The following FBXL20 variants were observed in gnomAD, a reference collection of about 807,000 sequenced individuals.
FBXL20 encodes the protein F-box and leucine rich repeat protein 20, also known as F-box/LRR-repeat protein 20.
A neutral mutation model predicts 64.0 loss-of-function variants in FBXL20; 11 were observed. That is an observed-to-expected ratio of 0.17 (90% CI 0.11 to 0.28). The LOEUF (loss-of-function observed/expected upper bound fraction) is 0.28, where lower values mean the gene tolerates loss of function less well. FBXL20 is among the 10% of genes least tolerant of loss of function. FBXL20 has a pLI of 1.00. For synonymous variants in FBXL20, 184 were observed against 189.0 expected (o/e 0.97, Z 0.22); for missense variants, 303 against 526.2 (o/e 0.58, Z 4.15).
In FBXL20 at chr17:39,316,186, GATTGGA is replaced by G. The variant is rs754112425; in HGVS notation, c.105-12553_105-12548del. 1.3e-4 allele frequency among the ~76,000 whole-genome samples: 20 copies of G among 152,250 alleles called. No homozygotes were observed. The South Asian group carries it at 1.5e-3, about 11-fold the overall frequency. On this transcript the variant is annotated intron_variant, in intron 2 of 14. Coordinates refer to ENST00000264658, the MANE Select transcript of FBXL20 (RefSeq NM_032875.3). ...AACTAGACTAAATTATGCAGTGTTG[GATTGGA>G]ATTGGAAATATCAGTGTATTAATAG...
chr17:39,281,280 T>C, intron 9 of FBXL20, 109 bp downstream of exon 9: 1 of 926,776 alleles, frequency 1.1e-6, no homozygotes, highest in South Asian at 1.6e-5. Context: ...ACTAGGGTTG[T>C]GGTAGAAAAA....
At chr17:39,369,164 A>G (rs1045725394) in intron 1 of FBXL20, among the ~76,000 whole-genome samples, 1 of 152,124 alleles carries the variant, frequency 6.6e-6, no homozygotes, top group Non-Finnish European at 1.5e-5. Flanking sequence ...CTGGATAAAA[A>G]TCATAAAGTA....
intron 11 of FBXL20, 145 bp downstream of exon 11, chr17:39,270,651 G>C (rs982754207): frequency 1.8e-5 from 11 of 616,440 alleles, no homozygotes; most frequent in Non-Finnish European, 3.1e-5. Flanking sequence ...GATATCAGTA[G>C]GTCTGTAGCT....
At chr17:39,263,907 T>C (rs2046769709) in intron 14 of FBXL20, 2 of 286,418 alleles carry the variant, frequency 7.0e-6, no homozygotes, top group Admixed American at 4.8e-5. Context: ...TCTGGGAATG[T>C]TATTAAGCCC....
intron 1 of FBXL20, among the ~76,000 whole-genome samples, chr17:39,387,016 CGATGGT>C (rs1438389864): frequency 6.6e-6 from 1 of 152,114 alleles, no homozygotes; most frequent in Non-Finnish European, 1.5e-5. Flanking sequence ...CCCTGACTTA[CGATGGT>C]TTAACTTAAG....
intron 1 of FBXL20, among the ~76,000 whole-genome samples, chr17:39,400,707 C>G (rs2048233012): frequency 6.6e-6 from 1 of 152,156 alleles, no homozygotes; most frequent in Admixed American, 6.5e-5. Flanking sequence ...TCCTGAAAGA[C>G]AGACCGGAAT....
In FBXL20 at chr17:39,294,280, T is replaced by A. The variant is rs1597781185; in HGVS notation, c.398+2847A>T. Among the ~76,000 whole-genome samples the A allele has an allele frequency of 1.3e-5, 2 of 151,988 alleles. 1 individual carries two copies. The highest frequency in any genetic ancestry group is 1.3e-4 in the Admixed American group (2 of 15,212). ...GTGAACCACCACACCTGGCTGCTTC[T>A]TTATTATTTTTTTGAGACAGGGTCT... On this transcript the variant is annotated intron_variant, in intron 6 of 14. Transcript: ENST00000264658.
chr17:39,282,009 T>C (rs2046954003), intron 8 of FBXL20, among the ~76,000 whole-genome samples: 1 of 152,186 alleles, frequency 6.6e-6, no homozygotes, highest in Non-Finnish European at 1.5e-5. Flanking sequence ...AAGCTGTTGT[T>C]TTAAGGCAGT....
At chr17:39,377,285 G>C (rs2047976363) in intron 1 of FBXL20, among the ~76,000 whole-genome samples, 1 of 151,878 alleles carries the variant, frequency 6.6e-6, no homozygotes, top group Non-Finnish European at 1.5e-5. Flanking sequence ...CAGTGCAAGA[G>C]GACAGCTTCG....
intron 2 of FBXL20, among the ~76,000 whole-genome samples, chr17:39,339,165 C>CA (rs59901064): frequency 0.051 from 3,443 of 67,786 alleles, 376 homozygotes; most frequent in African/African-American, 0.16. Context: ...GACCCTGTCT[C>CA]AAAAAAAAAA....
intron 1 of FBXL20, among the ~76,000 whole-genome samples, chr17:39,344,109 G>A (rs180966046): frequency 9.1e-4 from 139 of 152,180 alleles, no homozygotes; most frequent in African/African-American, 3.1e-3. Flanking sequence ...TGATCCACCC[G>A]CCTTGGCCTC....
At chr17:39,317,998 CCTCA>C (rs2047313867) in intron 2 of FBXL20, among the ~76,000 whole-genome samples, 1 of 152,058 alleles carries the variant, frequency 6.6e-6, no homozygotes, top group Admixed American at 6.6e-5. Context: ...CCGCTCGCGG[CCTCA>C]CTTTCAAATT....
chr17:39,334,621 G>GA (rs1221963266), intron 2 of FBXL20, among the ~76,000 whole-genome samples: 2 of 151,900 alleles, frequency 1.3e-5, no homozygotes, highest in Non-Finnish European at 2.9e-5. Flanking sequence ...GAAAAAATGA[G>GA]AAAAAAATTT....
At chr17:39,374,016 G>C (rs2047942191) in intron 1 of FBXL20, among the ~76,000 whole-genome samples, 1 of 152,056 alleles carries the variant, frequency 6.6e-6, no homozygotes, top group Non-Finnish European at 1.5e-5. Flanking sequence ...GAAGTCAGGA[G>C]TTCAAGACAA....
At chr17:39,317,891 C>T (rs978549489) in intron 2 of FBXL20, among the ~76,000 whole-genome samples, 4 of 151,262 alleles carry the variant, frequency 2.6e-5, no homozygotes, top group African/African-American at 9.7e-5. Context: ...TTAGTAGAGA[C>T]GGAGTTTCAC....
chr17:39,347,725 T>C (rs985918169), intron 1 of FBXL20, among the ~76,000 whole-genome samples: 2 of 152,214 alleles, frequency 1.3e-5, no homozygotes, highest in Non-Finnish European at 2.9e-5. Flanking sequence ...TTGGCTTTTG[T>C]TGCCATTGCT....
intron 1 of FBXL20, among the ~76,000 whole-genome samples, chr17:39,350,412 C>T (rs1440130710): frequency 6.6e-6 from 1 of 151,732 alleles, no homozygotes; most frequent in Non-Finnish European, 1.5e-5. Flanking sequence ...TCGCTTGAAC[C>T]TGGAAGGCAG....
intron 6 of FBXL20, among the ~76,000 whole-genome samples, chr17:39,289,088 C>A (rs936907010): frequency 2.0e-5 from 3 of 152,088 alleles, no homozygotes; most frequent in Admixed American, 1.3e-4. Flanking sequence ...CCTTTCTAGG[C>A]ACTTTATTTT....
chr17:39,319,725 G>A (rs1384121273), intron 2 of FBXL20, among the ~76,000 whole-genome samples: 1 of 148,326 alleles, frequency 6.7e-6, no homozygotes, highest in East Asian at 1.9e-4. Context: ...CTGGGAGGAG[G>A]TAGTGAAGGC....
Sources: allele counts gnomAD v4.1 joint callset (sites outside exome capture counted in the v4.1 genomes callset), GRCh38; gene constraint gnomAD v4.1.1; transcripts MANE v1.5; gene names NCBI Gene and HGNC (gene_info 2026-07-23, HGNC 2026-07-21).